DLGAP1: variants seen among roughly 807,000 people sequenced by gnomAD.
DLGAP1 encodes DLG associated protein 1.
DLGAP1 carries 11 observed loss-of-function variants against 90.8 expected under a neutral mutation model. The ratio of observed to expected loss-of-function variants is 0.12; its 90% CI spans 0.08 to 0.20. The LOEUF (loss-of-function observed/expected upper bound fraction) is 0.20. Ranked by LOEUF, DLGAP1 falls within the 10% of genes least tolerant of loss-of-function variation. The pLI is 1.00. For missense variants in DLGAP1, 1,050 were observed against 1,333.8 expected (o/e 0.79, Z 3.31); for synonymous variants, 558 against 540.7 (o/e 1.03, Z -0.44).
chr18:3,570,498 C>T (rs931312613), intron 8 of DLGAP1, among the ~76,000 whole-genome samples: 1 of 151,826 alleles, frequency 6.6e-6, no homozygotes, highest in East Asian at 2.0e-4. Flanking sequence ...AGGCTGGTCT[C>T]GACCTCCCAA....
At chr18:4,212,140 CTG>C (rs1457398407) in intron 1 of DLGAP1, among the ~76,000 whole-genome samples, 1 of 152,118 alleles carries the variant, frequency 6.6e-6, no homozygotes, top group Non-Finnish European at 1.5e-5. Context: ...TTACTTAACT[CTG>C]TGACAGGAAG....
At chr18:3,867,614 G>A (rs886526431) in intron 4 of DLGAP1, among the ~76,000 whole-genome samples, 2 of 152,154 alleles carry the variant, frequency 1.3e-5, no homozygotes, top group Non-Finnish European at 2.9e-5. Flanking sequence ...CCACTCTGGG[G>A]GCTCTGTGAT....
At chr18:4,370,415 A>C (rs2081890509) in intron 1 of DLGAP1, among the ~76,000 whole-genome samples, 1 of 152,240 alleles carries the variant, frequency 6.6e-6, no homozygotes, top group African/African-American at 2.4e-5. Flanking sequence ...CATGACCAGC[A>C]GTACATGAGG....
chr18:3,588,922 C>A (rs1283796314), intron 7 of DLGAP1, among the ~76,000 whole-genome samples: 1 of 152,204 alleles, frequency 6.6e-6, no homozygotes, highest in African/African-American at 2.4e-5. Flanking sequence ...GTGGCTTATG[C>A]CTGTAATCCT....
chr18:3,524,071 C>T (rs556488908), intron 10 of DLGAP1, among the ~76,000 whole-genome samples: 1 of 152,190 alleles, frequency 6.6e-6, no homozygotes, highest in Non-Finnish European at 1.5e-5. Flanking sequence ...GTGTTCAAGA[C>T]CAGCCCAGGC....
At chr18:3,725,677 T>C (rs73940219) in intron 7 of DLGAP1, among the ~76,000 whole-genome samples, 62 of 152,322 alleles carry the variant, frequency 4.1e-4, no homozygotes, top group Non-Finnish European at 5.6e-4. Context: ...ATCTGGGTGC[T>C]TGAAGTAGAT....
intron 5 of DLGAP1, among the ~76,000 whole-genome samples, chr18:3,804,133 C>A (rs932852222): frequency 1.3e-5 from 2 of 151,642 alleles, no homozygotes; most frequent in Non-Finnish European, 2.9e-5. Flanking sequence ...CACAGGCGCA[C>A]GCCACCACAC....
intron 7 of DLGAP1, among the ~76,000 whole-genome samples, chr18:3,728,333 T>C (rs1220755278): frequency 9.5e-5 from 14 of 147,342 alleles, no homozygotes; most frequent in South Asian, 4.3e-4. Context: ...TATATACATG[T>C]TTCATATGCA....
chr18:3,637,857 T>TA (rs1248347074), intron 7 of DLGAP1, among the ~76,000 whole-genome samples: 5 of 151,914 alleles, frequency 3.3e-5, no homozygotes, highest in Non-Finnish European at 5.9e-5. Flanking sequence ...ATGCCTGACT[T>TA]ACGTTTCTTT....
intron 5 of DLGAP1, among the ~76,000 whole-genome samples, chr18:3,777,220 T>C (rs1293966409): frequency 6.6e-6 from 1 of 152,194 alleles, no homozygotes; most frequent in Non-Finnish European, 1.5e-5. Context: ...CACCCATTCA[T>C]AGGTATGGCT....
rs749250520 is a variant in DLGAP1 at position 3,859,214 on chromosome 18, G to A, written c.957+19898C>T. On this transcript the variant is annotated intron_variant, in intron 4 of 12. Coordinates refer to ENST00000315677, the MANE Select transcript of DLGAP1 (RefSeq NM_004746.4). Reference sequence around the variant, plus strand: ...AAAATAATCTAAAAAACACAGAAATGGATGGTATTTTCATTTCATCACCAT... The same window carrying A: ...AAAATAATCTAAAAAACACAGAAATAGATGGTATTTTCATTTCATCACCAT... Among the ~76,000 whole-genome samples, 93 of 152,160 alleles carry A rather than the reference G, an allele frequency of 6.1e-4. 1 individual carries two copies. The highest frequency in any genetic ancestry group is 2.2e-3 in the African/African-American group (92 of 41,522).
At chr18:3,710,107 G>C (rs1268363672) in intron 7 of DLGAP1, among the ~76,000 whole-genome samples, 1 of 152,170 alleles carries the variant, frequency 6.6e-6, no homozygotes, top group Non-Finnish European at 1.5e-5. Context: ...TATAGCTTGG[G>C]ACATGGATGG....
intron 1 of DLGAP1, among the ~76,000 whole-genome samples, chr18:4,388,958 C>G (rs2082289111): frequency 6.6e-6 from 1 of 152,114 alleles, no homozygotes; most frequent in African/African-American, 2.4e-5. Flanking sequence ...GGCAGTTCCT[C>G]AAAATATTAA....
At position 4,454,687 on chromosome 18, in the gene DLGAP1, C is replaced by G. The variant is rs1015066327; in HGVS notation, c.-267+319G>C. Among the ~76,000 whole-genome samples, 1 of 152,028 alleles carries G rather than the reference C, an allele frequency of 6.6e-6. No homozygotes were observed. Among genetic ancestry groups the G allele is most frequent in the Non-Finnish European group, 1.5e-5 (1 of 67,972 alleles). On this transcript the variant is annotated intron_variant, in intron 1 of 12. Transcript: ENST00000315677. The surrounding 1 kb of genome is among the most constrained non-coding windows in gnomAD (Gnocchi z 4.7). The stretch of plus-strand genomic sequence containing the variant: ...GGGACCGGTGTTCTCCTCCCCTCCC[C>G]CTTCCGGGACCCTGTCGCAATTAGA...
chr18:3,650,576 TA>T (rs1316162142), intron 7 of DLGAP1, among the ~76,000 whole-genome samples: 1 of 152,236 alleles, frequency 6.6e-6, no homozygotes, highest in Non-Finnish European at 1.5e-5. Context: ...ACGTCATTTT[TA>T]TAAACAGGAT....
chr18:4,265,516 T>A (rs2079095028), intron 1 of DLGAP1, among the ~76,000 whole-genome samples: 2 of 146,386 alleles, frequency 1.4e-5, no homozygotes, highest in Non-Finnish European at 3.0e-5. Context: ...GTTTCTTCTT[T>A]TTCTTTCTTT....
chr18:3,993,361 T>A (rs1433658695), intron 3 of DLGAP1, among the ~76,000 whole-genome samples: 1 of 152,162 alleles, frequency 6.6e-6, no homozygotes, highest in Non-Finnish European at 1.5e-5. Flanking sequence ...AAATTCTCAT[T>A]GATTTTAATC....
chr18:4,350,719 T>A (rs2081387333), intron 1 of DLGAP1, among the ~76,000 whole-genome samples: 1 of 152,216 alleles, frequency 6.6e-6, no homozygotes, highest in African/African-American at 2.4e-5. Context: ...TTGTCCATTA[T>A]ATTGTAGAGG....
At chr18:3,592,707 G>C (rs2056317955) in intron 7 of DLGAP1, among the ~76,000 whole-genome samples, 1 of 151,684 alleles carries the variant, frequency 6.6e-6, no homozygotes, top group South Asian at 2.1e-4. Flanking sequence ...AGCTGGTCAT[G>C]GTGGTGCACG....
Sources: allele counts gnomAD v4.1 joint callset (sites outside exome capture counted in the v4.1 genomes callset), GRCh38; gene constraint gnomAD v4.1.1; non-coding constraint Gnocchi (gnomAD v3.1); transcripts MANE v1.5; gene names NCBI Gene and HGNC (gene_info 2026-07-23, HGNC 2026-07-21).